ACTN4: variants seen among roughly 807,000 people sequenced by gnomAD.
The protein encoded by ACTN4 is actinin alpha 4.
A neutral mutation model predicts 114.2 loss-of-function variants in ACTN4; 18 were observed. The observed-to-expected ratio is 0.16, with a 90% CI of 0.11 to 0.23. The LOEUF is 0.23. ACTN4 is among the 10% of genes least tolerant of loss of function. ACTN4 has a pLI of 1.00. For synonymous variants in ACTN4, 515 were observed against 506.3 expected, an observed-to-expected ratio of 1.02 and a Z score of -0.23; for missense variants, 722 against 1,262.9, an observed-to-expected ratio of 0.57 and a Z score of 6.49.
At chr19:38,681,940 C>T (rs918589080) in intron 1 of ACTN4, among the ~76,000 whole-genome samples, 16 of 152,174 alleles carry the variant, frequency 1.1e-4, no homozygotes, top group African/African-American at 3.4e-4. Context: ...AAGGGATTCT[C>T]GTGCTTCAGC....
intron 1 of ACTN4, among the ~76,000 whole-genome samples, chr19:38,671,213 A>G (rs1377351610): frequency 1.3e-5 from 2 of 152,172 alleles, no homozygotes. Context: ...CCCCTTTCCC[A>G]TCACCATAGA....
chr19:38,673,094 C>T (rs957554221), intron 1 of ACTN4, among the ~76,000 whole-genome samples: 6 of 151,546 alleles, frequency 4.0e-5, no homozygotes, highest in Non-Finnish European at 1.5e-5. Context: ...ATGCATGCAC[C>T]ACCATGCCTG....
chr19:38,728,739 A>G (rs1408099817), intron 19 of ACTN4, among the ~76,000 whole-genome samples: 5 of 151,866 alleles, frequency 3.3e-5, no homozygotes, highest in Non-Finnish European at 7.4e-5. Flanking sequence ...GCTGTGGGAG[A>G]CCACGAGAGG....
chr19:38,668,368 A>G (rs1036527185), intron 1 of ACTN4, among the ~76,000 whole-genome samples: 1 of 152,168 alleles, frequency 6.6e-6, no homozygotes, highest in African/African-American at 2.4e-5. Context: ...AAGAAAACCA[A>G]CCCAACCCTG....
At chr19:38,711,654 T>TA (rs1161613082) in intron 8 of ACTN4, among the ~76,000 whole-genome samples, 2 of 152,186 alleles carry the variant, frequency 1.3e-5, no homozygotes, top group Non-Finnish European at 2.9e-5. Context: ...AGCCCTGCAT[T>TA]ACAGTCAATG....
intron 8 of ACTN4, among the ~76,000 whole-genome samples, chr19:38,711,915 AT>A (rs1276903818): frequency 6.6e-6 from 1 of 152,174 alleles, no homozygotes; most frequent in Non-Finnish European, 1.5e-5. Context: ...AGCTGACCTC[AT>A]GCTGCCTCAC....
chr19:38,666,924 C>G (rs1381809543), intron 1 of ACTN4, among the ~76,000 whole-genome samples: 1 of 152,092 alleles, frequency 6.6e-6, no homozygotes, highest in South Asian at 2.1e-4. Flanking sequence ...AGTAATTAAC[C>G]TGAATGCTTG....
At chr19:38,705,217 C>T (rs1968417065) in intron 4 of ACTN4, among the ~76,000 whole-genome samples, 197 bp downstream of exon 4, 1 of 152,176 alleles carries the variant, frequency 6.6e-6, no homozygotes. Context: ...GGCTCCAGTG[C>T]CTTCCGAGTG....
At chr19:38,711,247 T>C (rs1968641580) in intron 8 of ACTN4, 4 of 981,234 alleles carry the variant, frequency 4.1e-6, no homozygotes, top group Non-Finnish European at 4.9e-6. Context: ...CTCCTGCCTC[T>C]CTCTCTCTTT....
chr19:38,672,943 CTTT>C (rs35501640), intron 1 of ACTN4, among the ~76,000 whole-genome samples: 4 of 122,898 alleles, frequency 3.3e-5, no homozygotes, highest in Non-Finnish European at 3.4e-5. Flanking sequence ...GCCATCCATT[CTTT>C]TTTTTTTTTT....
intron 3 of ACTN4, 28 bp downstream of exon 3, chr19:38,701,149 C>T (rs1445142219): frequency 3.7e-6 from 6 of 1,613,292 alleles, no homozygotes; most frequent in Non-Finnish European, 5.1e-6. Context: ...CAGCGAGGGT[C>T]CTGCTCGGTT....
intron 1 of ACTN4, among the ~76,000 whole-genome samples, chr19:38,656,346 T>C (rs1976711525): frequency 6.6e-6 from 1 of 152,112 alleles, no homozygotes; most frequent in South Asian, 2.1e-4. Flanking sequence ...TCCCAAAGTC[T>C]TGGGATTACA....
chr19:38,691,050 TGC>T (rs1435189932), intron 1 of ACTN4, among the ~76,000 whole-genome samples: 1 of 152,174 alleles, frequency 6.6e-6, no homozygotes, highest in African/African-American at 2.4e-5. Flanking sequence ...GAGCTTATGC[TGC>T]ACTTGGGAGG....
intron 17 of ACTN4, 34 bp from the exon 18 acceptor site, chr19:38,726,923 C>G (rs778993233): frequency 6.2e-7 from 1 of 1,612,572 alleles, no homozygotes; most frequent in Non-Finnish European, 8.5e-7. Flanking sequence ...GTTCACAGCA[C>G]CCGGCCCACG....
chr19:38,677,075 C>T (rs1967401024), intron 1 of ACTN4, among the ~76,000 whole-genome samples: 1 of 152,192 alleles, frequency 6.6e-6, no homozygotes, highest in African/African-American at 2.4e-5. Context: ...GGGCCCTTGC[C>T]TCTGCCCCTT....
intron 1 of ACTN4, among the ~76,000 whole-genome samples, chr19:38,659,304 A>C (rs1205599353): frequency 6.6e-6 from 1 of 151,782 alleles, no homozygotes; most frequent in East Asian, 1.9e-4. Context: ...CGTAATGCCC[A>C]CCTAGGCCTC....
intron 1 of ACTN4, among the ~76,000 whole-genome samples, chr19:38,682,396 G>A (rs1009819594): frequency 2.0e-5 from 3 of 151,432 alleles, no homozygotes; most frequent in African/African-American, 7.3e-5. Context: ...TGTTGCCCAG[G>A]CTGGATTGAA....
chr19:38,726,250 C>T (rs1274978136), intron 17 of ACTN4, among the ~76,000 whole-genome samples: 1 of 149,224 alleles, frequency 6.7e-6, no homozygotes, highest in African/African-American at 2.5e-5. Flanking sequence ...GTCATGCCAC[C>T]ACACTTCGGT....
chr19:38,672,430 G>T (rs1476125727), intron 1 of ACTN4, among the ~76,000 whole-genome samples: 1 of 151,408 alleles, frequency 6.6e-6, no homozygotes, highest in Non-Finnish European at 1.5e-5. Context: ...TAGTAGAGAC[G>T]TGGTTTCTCC....
Sources: allele counts gnomAD v4.1 joint callset (sites outside exome capture counted in the v4.1 genomes callset), GRCh38; gene constraint gnomAD v4.1.1; transcripts MANE v1.5; gene names NCBI Gene and HGNC (gene_info 2026-07-23, HGNC 2026-07-21).